Variants in VPS13B observed in about 807,000 individuals in gnomAD.
VPS13B encodes intermembrane lipid transfer protein VPS13B.
In VPS13B, 285 loss-of-function variants were observed where a neutral mutation model predicts 426.4. The ratio of observed to expected loss-of-function variants is 0.67; its 90% CI spans 0.61 to 0.74. The LOEUF is 0.74. VPS13B is among the 30% of genes least tolerant of loss of function. The pLI is 0.00. For missense variants in VPS13B, 4,537 were observed against 4,782.6 expected (o/e 0.95, Z 1.51); for synonymous variants, 1,676 against 1,676.4 (o/e 1.00, Z 0.01).
chr8:99,324,140 CAGTTGATCA>C (rs1228266257), intron 19 of VPS13B, among the ~76,000 whole-genome samples: 1 of 152,162 alleles, frequency 6.6e-6, no homozygotes, highest in Non-Finnish European at 1.5e-5. Flanking sequence ...TAAAACTCAG[CAGTTGATCA>C]AACTCTTTCT....
chr8:99,073,816 G>T (rs1160974464), intron 3 of VPS13B, among the ~76,000 whole-genome samples: 1 of 146,998 alleles, frequency 6.8e-6, no homozygotes, highest in Non-Finnish European at 1.5e-5. Flanking sequence ...GTTTCCCCAT[G>T]CTGGAGTGCA....
chr8:99,809,469 A>T lies in VPS13B; in HGVS notation c.8036A>T (p.Tyr2679Phe). The change falls in exon 44 of 62, where the codon TAC becomes TTC. Residue 2679 changes from tyrosine (Y) to phenylalanine (F), a missense_variant. This residue lies in a region of VPS13B where 4,311 missense variants were observed against 4,474.3 expected (regional missense o/e 0.96). Coordinates refer to ENST00000357162, the MANE Select transcript of VPS13B (RefSeq NM_152564.5). ...GGGACTTTTATTAGAACAATTCAGT[A>T]CAGGGGTCGAACTGCTTCTCTCATC... ...HAGTFIRTIQYRGRTASLIIK... is the reference protein window; with the variant it reads ...HAGTFIRTIQFRGRTASLIIK... The T allele has an allele frequency of 6.2e-7, 1 of 1,614,076 alleles. No individual in the cohort carries two copies. The highest frequency in any genetic ancestry group is 8.5e-7 in the Non-Finnish European group (1 of 1,179,978).
At chr8:99,060,966 T>C (rs1384280215) in intron 3 of VPS13B, among the ~76,000 whole-genome samples, 1 of 152,196 alleles carries the variant, frequency 6.6e-6, no homozygotes, top group Non-Finnish European at 1.5e-5. Context: ...AGTGAAAATA[T>C]GGGGTTGTAA....
chr8:99,140,644 C>G (rs540500879), intron 12 of VPS13B, among the ~76,000 whole-genome samples: 1 of 143,550 alleles, frequency 7.0e-6, no homozygotes, highest in Non-Finnish European at 1.5e-5. Flanking sequence ...CCTCCCCCTC[C>G]TTGCCTTCCT....
chr8:99,560,476 G>A (rs551797216), intron 31 of VPS13B, among the ~76,000 whole-genome samples: 14 of 152,216 alleles, frequency 9.2e-5, no homozygotes, highest in Admixed American at 7.9e-4. Flanking sequence ...GGGTCCTGAG[G>A]ACAGAGATCA....
chr8:99,717,719 C>A (rs1832978495), intron 37 of VPS13B, among the ~76,000 whole-genome samples: 1 of 152,144 alleles, frequency 6.6e-6, no homozygotes, highest in Admixed American at 6.5e-5. Context: ...AACCACTAAT[C>A]TACTTTCTGT....
intron 24 of VPS13B, 30 bp from the exon 25 acceptor site, chr8:99,481,569 G>A: frequency 6.2e-7 from 1 of 1,607,148 alleles, no homozygotes; most frequent in Non-Finnish European, 8.5e-7. Context: ...TGAAAGACTT[G>A]TTTTCTTTTC....
intron 4 of VPS13B, 67 bp from the exon 5 acceptor site, chr8:99,102,886 C>T (rs1329680356): frequency 7.1e-7 from 1 of 1,405,472 alleles, no homozygotes; most frequent in South Asian, 1.2e-5. Context: ...AGTTCAATAA[C>T]ACTTTAAGAA....
At chr8:99,659,709 T>C (rs143226323) in intron 34 of VPS13B, among the ~76,000 whole-genome samples, 21 of 152,308 alleles carry the variant, frequency 1.4e-4, no homozygotes, top group Admixed American at 8.5e-4. Context: ...TTTTTATACA[T>C]CATATTAACA....
At chr8:99,253,621 A>T (rs1817612983) in intron 17 of VPS13B, among the ~76,000 whole-genome samples, 2 of 152,084 alleles carry the variant, frequency 1.3e-5, no homozygotes, top group African/African-American at 4.8e-5. Flanking sequence ...ACATTGTTAT[A>T]TTTGAAGTGA....
chr8:99,156,595 C>A lies in VPS13B; in HGVS notation c.2060C>A (p.Pro687His). The A allele has an allele frequency of 6.2e-7, 1 of 1,614,082 alleles. No homozygotes were observed. The highest frequency in any genetic ancestry group is 8.5e-7 in the Non-Finnish European group (1 of 1,179,914). Reference protein sequence around the residue: ...MNTTNFQSLRPLPSIRILVDK... With the variant: ...MNTTNFQSLRHLPSIRILVDK... ...ACTACAAACTTCCAGTCTCTTCGGCCTTTGCCATCCATTCGAATATTGGTG... is the reference window on the plus strand; with the variant it reads ...ACTACAAACTTCCAGTCTCTTCGGCATTTGCCATCCATTCGAATATTGGTG... The change falls in exon 15 of 62, where the codon CCT (proline) becomes CAT (histidine). Residue 687 changes from proline (P) to histidine (H), a missense_variant. This residue lies in a region of VPS13B where 4,311 missense variants were observed against 4,474.3 expected (regional missense o/e 0.96). Transcript: ENST00000357162.
At chr8:99,780,914 G>A (rs553112704) in intron 42 of VPS13B, among the ~76,000 whole-genome samples, 3 of 152,268 alleles carry the variant, frequency 2.0e-5, no homozygotes, top group Admixed American at 6.5e-5. Flanking sequence ...CTTTAGAAGC[G>A]GAAGTTTAGT....
intron 31 of VPS13B, among the ~76,000 whole-genome samples, chr8:99,566,715 G>A (rs1825211106): frequency 6.6e-6 from 1 of 152,146 alleles, no homozygotes; most frequent in Non-Finnish European, 1.5e-5. Flanking sequence ...AGTAGTGAGA[G>A]GCCACTGTGC....
chr8:99,068,660 C>T (rs908753905), intron 3 of VPS13B, among the ~76,000 whole-genome samples: 72 of 152,030 alleles, frequency 4.7e-4, no homozygotes, highest in African/African-American at 1.7e-3. Context: ...AGAAAACTTA[C>T]AATTATGGCA....
chr8:99,116,468 C>G (rs1465923161), intron 7 of VPS13B, among the ~76,000 whole-genome samples: 1 of 152,104 alleles, frequency 6.6e-6, no homozygotes, highest in African/African-American at 2.4e-5. Flanking sequence ...GGGTTTTGCT[C>G]TGTCACCCAG....
chr8:99,512,385 T>TAATG (rs1222914820), intron 29 of VPS13B, among the ~76,000 whole-genome samples: 2 of 152,218 alleles, frequency 1.3e-5, no homozygotes, highest in African/African-American at 4.8e-5. Context: ...ATTGCAAAGG[T>TAATG]AATGACCTTT....
intron 39 of VPS13B, among the ~76,000 whole-genome samples, chr8:99,744,876 C>T (rs936331359): frequency 3.4e-4 from 51 of 151,682 alleles, no homozygotes; most frequent in African/African-American, 6.1e-4. Context: ...TGTTAAATGA[C>T]GAGTTAATGG....
intron 30 of VPS13B, among the ~76,000 whole-genome samples, chr8:99,523,355 G>A (rs1822477343): frequency 6.6e-6 from 1 of 152,198 alleles, no homozygotes; most frequent in Admixed American, 6.5e-5. Context: ...TGAGCCCTAG[G>A]GCCTTGAGTG....
At chr8:99,019,750 G>C (rs1233883034) in intron 2 of VPS13B, among the ~76,000 whole-genome samples, 1 of 151,988 alleles carries the variant, frequency 6.6e-6, no homozygotes. Context: ...TTGTTCTTTC[G>C]TTATTGGCAT....
Sources: gnomAD v4.1 joint callset for allele counts (sites outside exome capture counted in the v4.1 genomes callset) on GRCh38, gnomAD v4.1.1 for gene constraint, gnomAD v4.1.1 regional missense constraint, MANE v1.5 for transcripts, NCBI Gene and HGNC (gene_info 2026-07-23, HGNC 2026-07-21) for gene names.